ERO1B: variants seen among roughly 807,000 people sequenced by gnomAD.
ERO1B encodes ERO1-like protein beta.
Under a neutral mutation model 75.3 loss-of-function variants are expected in ERO1B, and 49 were observed. The observed-to-expected ratio is 0.65, with a 90% confidence interval of 0.52 to 0.83. ERO1B has a LOEUF of 0.83. Ranked by LOEUF, ERO1B falls within the 40% of genes least tolerant of loss-of-function variation. The pLI is 0.00. For synonymous variants in ERO1B, 191 were observed against 192.9 expected, an observed-to-expected ratio of 0.99 and a Z score of 0.08; for missense variants, 512 against 560.1, an observed-to-expected ratio of 0.91 and a Z score of 0.87.
Position 236,220,819 on chromosome 1 carries a change from T to C in ERO1B, c.1343+13A>G. The C allele has an allele frequency of 6.4e-7, 1 of 1,560,356 alleles. No individual in the cohort carries two copies. The highest frequency in any genetic ancestry group is 2.3e-5 in the East Asian group (1 of 43,502). ...TGGGAAATCAAAAATCTTCAACATA[T>C]AATGGTTCTTACCTTCCAAAAGCAT... On this transcript the variant is annotated intron_variant, in intron 15 of 15. Coordinates refer to ENST00000354619, the MANE Select transcript of ERO1B (RefSeq NM_019891.4).
Position 236,217,080 on chromosome 1 carries a change from A to G in ERO1B, c.*1436T>C, listed in dbSNP as rs920199068. On this transcript the variant is annotated 3_prime_UTR_variant, in exon 16 of 16. Transcript: ENST00000354619. The stretch of plus-strand genomic sequence containing the variant: ...TGGCTAAGTATTTTTAAGAGGGGTG[A>G]GCCAAGCCAACTAAATACAATTTTT... 6.6e-6 allele frequency: 1 copy of G among 152,042 alleles called. No individual in the cohort carries two copies. The highest frequency in any genetic ancestry group is 1.5e-5 in the Non-Finnish European group (1 of 67,944). The allele number at this position is 152,042 out of a possible 1,614,324, so 9.4% of individuals were successfully genotyped here.
chr1:236,239,837 G>GTATA (rs1259563965), intron 6 of ERO1B, among the ~76,000 whole-genome samples: 102 of 22,850 alleles, frequency 4.5e-3, no homozygotes, highest in Non-Finnish European at 0.016. Context: ...ATATATATGT[G>GTATA]TATATATATA....
chr1:236,254,674 G>A (rs1386633024), intron 2 of ERO1B, among the ~76,000 whole-genome samples: 1 of 150,902 alleles, frequency 6.6e-6, no homozygotes, highest in Non-Finnish European at 1.5e-5. Flanking sequence ...GTGCAATGGT[G>A]CAGTTTTGGC....
rs1226997206 is a variant in ERO1B, at chr1:236,215,258, G to GT, written c.*3257dup. Among the ~76,000 whole-genome samples, 2 of 152,154 alleles carry GT rather than the reference G, an allele frequency of 1.3e-5. No homozygotes were observed. The highest frequency in any genetic ancestry group is 2.9e-5 in the Non-Finnish European group (2 of 68,028). ...ATTCTTGCTCCACAACCTAGAATTT[G>GT]TGACTATGGACAGGTTACTTAGCCT... is the stretch of plus-strand genomic sequence containing the variant. On this transcript the variant is annotated 3_prime_UTR_variant, in exon 16 of 16. Transcript: ENST00000354619.
Position 236,226,200 on chromosome 1 carries a change from T to G in ERO1B, c.1052+69A>C, listed in dbSNP as rs12023983. ...GTTAACTTTTAGGAGTCAGTTTTTG[T>G]GTACTTTAAGTGCTACCTCATTTGA... On this transcript the variant is annotated intron_variant, in intron 12 of 15. Coordinates refer to ENST00000354619, the MANE Select transcript of ERO1B (RefSeq NM_019891.4). The G allele has an allele frequency of 1.5e-5, 23 of 1,524,670 alleles. No homozygotes were observed. In the African/African-American group the frequency reaches 2.9e-4, roughly 19 times the overall value. The allele number at this position is 1,524,670 out of a possible 1,614,324, so 94.4% of individuals were successfully genotyped here. A position where few individuals can be genotyped will look rare whatever the true frequency, so the allele number is the denominator to read the frequency against.
chr1:236,230,292 T>G (rs1664373695), intron 9 of ERO1B, 42 bp from the exon 10 acceptor site: 1 of 1,486,260 alleles, frequency 6.7e-7, no homozygotes, highest in Admixed American at 1.8e-5. Context: ...TATATGGTCA[T>G]TTATAAAGTA....
rs921317683 is a variant in ERO1B, at chr1:236,217,772, A to G, written c.*744T>C. 1.3e-5 allele frequency: 2 copies of G among 152,228 alleles called. No individual in the cohort carries two copies. Among genetic ancestry groups the G allele is most frequent in the Non-Finnish European group, 2.9e-5 (2 of 68,016 alleles). The allele number at this position is 152,228 out of a possible 1,614,324, so 9.4% of individuals were successfully genotyped here. On this transcript the variant is annotated 3_prime_UTR_variant, in exon 16 of 16. Coordinates refer to ENST00000354619, the MANE Select transcript of ERO1B (RefSeq NM_019891.4). ...AAAATCAAAAGGAGTTCTAAGTAAA[A>G]GAACACTCTTGGGCCAGCCCATTAC...
intron 5 of ERO1B, among the ~76,000 whole-genome samples, chr1:236,248,387 T>C (rs1664936745): frequency 6.6e-6 from 1 of 152,168 alleles, no homozygotes; most frequent in South Asian, 2.1e-4. Flanking sequence ...ATATCAAGAA[T>C]GGGTATTAAA....
intron 2 of ERO1B, among the ~76,000 whole-genome samples, chr1:236,258,605 G>A (rs6685208): frequency 0.014 from 2,199 of 152,186 alleles, 37 homozygotes; most frequent in African/African-American, 0.048. Context: ...ATATGAAAAC[G>A]GCTGGGTGCA....
At chr1:236,252,309 A>G (rs1040403391) in intron 3 of ERO1B, among the ~76,000 whole-genome samples, 2 of 152,190 alleles carry the variant, frequency 1.3e-5, no homozygotes, top group Non-Finnish European at 2.9e-5. Context: ...AAACTGAATG[A>G]CATACACAAA....
intron 2 of ERO1B, among the ~76,000 whole-genome samples, chr1:236,254,964 C>T (rs1276489500): frequency 6.6e-6 from 1 of 151,862 alleles, no homozygotes; most frequent in Non-Finnish European, 1.5e-5. Context: ...GCTCTGTTAC[C>T]CAGGCTGGAG....
intron 2 of ERO1B, among the ~76,000 whole-genome samples, chr1:236,258,148 G>GAAAAAAAAAAAAAAAAA (rs1665205894): frequency 7.2e-4 from 1 of 1,386 alleles, no homozygotes; most frequent in Non-Finnish European, 2.2e-3. Flanking sequence ...GAAAAACAAA[G>GAAAAAAAAAAAAAAAAA]CAAAAAAAAA....
At chr1:236,231,880 C>T (rs371733188) in intron 9 of ERO1B, among the ~76,000 whole-genome samples, 21 of 152,230 alleles carry the variant, frequency 1.4e-4, no homozygotes, top group Middle Eastern at 3.4e-3. Flanking sequence ...TAGTACCCAA[C>T]GTACTAAAAA....
At position 236,217,717 on chromosome 1, in the gene ERO1B, T is replaced by C. The variant is rs187950554; in HGVS notation, c.*799A>G. On this transcript the variant is annotated 3_prime_UTR_variant, in exon 16 of 16. Coordinates refer to ENST00000354619, the MANE Select transcript of ERO1B (RefSeq NM_019891.4). ...ACTGACAATTTCCAAAATGTCTTTG[T>C]CCCTAAAATTTCTAGGGGCAGAGAA... is the stretch of plus-strand genomic sequence containing the variant. 6.4e-3 allele frequency: 981 copies of C among 152,574 alleles called. 9 individuals are homozygous for C. The highest frequency in any genetic ancestry group is 8.8e-3 in the Non-Finnish European group (597 of 67,994). The allele number at this position is 152,574 out of a possible 1,614,324, so 9.5% of individuals were successfully genotyped here.
chr1:236,240,357 A>C (rs1664669649), intron 6 of ERO1B, among the ~76,000 whole-genome samples: 1 of 152,180 alleles, frequency 6.6e-6, no homozygotes, highest in African/African-American at 2.4e-5. Flanking sequence ...CATACAGAAC[A>C]ACTTAGTGTG....
At chr1:236,270,046 CA>C in intron 1 of ERO1B, 52 bp from the exon 2 acceptor site, 1 of 1,211,636 alleles carries the variant, frequency 8.3e-7, no homozygotes, top group Non-Finnish European at 1.2e-6. Context: ...TCAACCTTAA[CA>C]AATCTACACT....
At chr1:236,232,589 C>G (rs979735118) in intron 9 of ERO1B, among the ~76,000 whole-genome samples, 2 of 151,426 alleles carry the variant, frequency 1.3e-5, no homozygotes, top group African/African-American at 2.4e-5. Flanking sequence ...AAATGGGGAA[C>G]TTGTAATGTG....
intron 2 of ERO1B, among the ~76,000 whole-genome samples, chr1:236,259,998 AAATTTAAG>A (rs1172410534): frequency 1.3e-5 from 2 of 152,220 alleles, no homozygotes; most frequent in Non-Finnish European, 2.9e-5. Flanking sequence ...AAGTCTTAAC[AAATTTAAG>A]AACACTGAAA....
At chr1:236,281,595 GCCCTCC>G (rs1665831417) in intron 1 of ERO1B, 81 bp downstream of exon 1, 1 of 1,018,018 alleles carries the variant, frequency 9.8e-7, no homozygotes, top group Non-Finnish European at 1.3e-6. Context: ...GCCCTGCCCG[GCCCTCC>G]CCGCGTCACA....
Sources: gnomAD v4.1 joint callset for allele counts (sites outside exome capture counted in the v4.1 genomes callset) on GRCh38, gnomAD v4.1.1 for gene constraint, MANE v1.5 for transcripts, NCBI Gene and HGNC (gene_info 2026-07-23, HGNC 2026-07-21) for gene names.